C9orf153: variants seen among roughly 807,000 people sequenced by gnomAD.
C9orf153 encodes the protein uncharacterized protein C9orf153.
Under a neutral mutation model 9.0 loss-of-function variants are expected in C9orf153, and 10 were observed. That is an observed-to-expected ratio of 1.11 (90% CI 0.69 to 1.89). The LOEUF (loss-of-function observed/expected upper bound fraction) is 1.89, where lower values mean the gene tolerates loss of function less well. Ranked by LOEUF, C9orf153 falls within the 40% of genes most tolerant of loss-of-function variation. The pLI, the probability that C9orf153 is intolerant of heterozygous loss-of-function variation, is 0.00. For synonymous variants in C9orf153, 35 were observed against 37.3 expected (o/e 0.94, Z 0.23); for missense variants, 108 against 111.0 (o/e 0.97, Z 0.12).
chr9:86,232,582 G>A (rs1824495494), intron 1 of C9orf153, among the ~76,000 whole-genome samples: 1 of 151,896 alleles, frequency 6.6e-6, no homozygotes, highest in Non-Finnish European at 1.5e-5. Context: ...AAACTCTCGG[G>A]GATGGTATCC....
intron 1 of C9orf153, among the ~76,000 whole-genome samples, chr9:86,257,123 C>T (rs1280611352): frequency 1.3e-5 from 2 of 152,158 alleles, no homozygotes; most frequent in African/African-American, 2.4e-5. Context: ...CCGATTGGAG[C>T]ATATATTCTG....
At chr9:86,222,128 T>A (rs1279603922) in intron 3 of C9orf153, among the ~76,000 whole-genome samples, 1 of 151,994 alleles carries the variant, frequency 6.6e-6, no homozygotes, top group Non-Finnish European at 1.5e-5. Context: ...CCTCAGGTGA[T>A]CCACCCGCCT....
intron 3 of C9orf153, among the ~76,000 whole-genome samples, chr9:86,224,556 G>A (rs1824276442): frequency 6.6e-6 from 1 of 151,992 alleles, no homozygotes; most frequent in African/African-American, 2.4e-5. Flanking sequence ...CAAAGAAATG[G>A]TAAGTGCATG....
At chr9:86,227,178 G>T in intron 3 of C9orf153, 2 of 617,444 alleles carry the variant, frequency 3.2e-6, no homozygotes, top group Non-Finnish European at 4.5e-6. Flanking sequence ...ACAGGGTCTT[G>T]CTCTGTTGCC....
chr9:86,222,463 A>T (rs1193897309), intron 3 of C9orf153, among the ~76,000 whole-genome samples: 1 of 152,144 alleles, frequency 6.6e-6, no homozygotes, highest in African/African-American at 2.4e-5. Flanking sequence ...CATTTCTTCC[A>T]AGATGCTAAT....
rs545934510 is a variant in C9orf153 at position 86,245,563 on chromosome 9, C to T, written c.-27+13987G>A. ...GCATGATGTCCTCCGGGTTCATCCA[C>T]GTTATAGAGTAATACTCCATTGTGG... On this transcript the variant is annotated intron_variant, in intron 1 of 3. Transcript: ENST00000339137. 1.0e-3 allele frequency among the ~76,000 whole-genome samples: 159 copies of T among 152,236 alleles called. 1 individual carries two copies. Among genetic ancestry groups the T allele is most frequent in the Non-Finnish European group, 5.7e-4 (39 of 68,028 alleles).
chr9:86,228,068 AC>A (rs1423846863), intron 2 of C9orf153, 38 bp from the exon 3 acceptor site: 5 of 1,465,578 alleles, frequency 3.4e-6, no homozygotes, highest in Non-Finnish European at 3.7e-6. Context: ...CACGAGACTG[AC>A]AAAAATGTAA....
chr9:86,231,140 G>A (rs181969088), intron 1 of C9orf153, among the ~76,000 whole-genome samples: 2 of 152,258 alleles, frequency 1.3e-5, no homozygotes, highest in East Asian at 1.9e-4. Flanking sequence ...AGCCCCAGAC[G>A]AGCCTCCAGA....
rs1427065441 is a variant in C9orf153, at chr9:86,256,324, A to C, written c.-27+3226T>G. The stretch of plus-strand genomic sequence containing the variant: ...TCCATCATTATTTTAGGTTTCAATG[A>C]ATACCTTCGAGCCACTGATTCAATC... On this transcript the variant is annotated intron_variant, in intron 1 of 3. Transcript: ENST00000339137. Among the ~76,000 whole-genome samples, 4 of 152,210 alleles carry C rather than the reference A, an allele frequency of 2.6e-5. No homozygotes were observed. In the East Asian group the frequency reaches 7.7e-4, roughly 29 times the overall value.
chr9:86,232,547 T>C (rs1824494546), intron 1 of C9orf153, among the ~76,000 whole-genome samples: 4 of 152,210 alleles, frequency 2.6e-5, no homozygotes, highest in South Asian at 2.1e-4. Context: ...TTCCTTGTAC[T>C]GTGAAGAGCA....
At chr9:86,246,714 C>T (rs1031028398) in intron 1 of C9orf153, among the ~76,000 whole-genome samples, 4 of 152,106 alleles carry the variant, frequency 2.6e-5, no homozygotes, top group African/African-American at 9.7e-5. Flanking sequence ...ACTAAAAATG[C>T]ACTCACCAAT....
Position 86,228,092 on chromosome 9 carries a change from C to T in C9orf153, c.67-62G>A, listed in dbSNP as rs1824383308. 5.8e-6 allele frequency: 7 copies of T among 1,198,014 alleles called. No homozygotes were observed. In the South Asian group the frequency reaches 1.1e-4, roughly 19 times the overall value. The allele number at this position is 1,198,014 out of a possible 1,614,324, so 74.2% of individuals were successfully genotyped here. A position where few individuals can be genotyped will look rare whatever the true frequency, so the allele number is the denominator to read the frequency against. ...GACAAAAATGTAATATTCTGGCAGA[C>T]CTACAAACCCTAGAAAAAACCATAG... On this transcript the variant is annotated intron_variant, in intron 2 of 3. Coordinates refer to ENST00000339137, the MANE Select transcript of C9orf153 (RefSeq NM_001276366.4).
intron 1 of C9orf153, among the ~76,000 whole-genome samples, chr9:86,238,083 G>A (rs1013573336): frequency 1.3e-5 from 2 of 151,958 alleles, no homozygotes; most frequent in Non-Finnish European, 2.9e-5. Flanking sequence ...AGACTTTGAC[G>A]AAAAACCAAA....
intron 1 of C9orf153, among the ~76,000 whole-genome samples, chr9:86,241,631 G>GTT (rs11418899): frequency 4.7e-5 from 7 of 148,534 alleles, no homozygotes; most frequent in African/African-American, 1.8e-4. Context: ...ACATTTCGTT[G>GTT]TTTTTTTTTT....
chr9:86,227,615 C>G (rs1320612354), intron 3 of C9orf153: 1 of 985,240 alleles, frequency 1.0e-6, no homozygotes, highest in Non-Finnish European at 1.2e-6. Context: ...ACTGGAAATG[C>G]CTAAGCTGCA....
chr9:86,233,885 C>T (rs1464796317), intron 1 of C9orf153, among the ~76,000 whole-genome samples: 3 of 152,208 alleles, frequency 2.0e-5, no homozygotes, highest in African/African-American at 7.2e-5. Flanking sequence ...GAGATCAAGA[C>T]CATCCTGGCC....
In C9orf153 at chr9:86,257,827, G is replaced by A. The variant is rs563120830; in HGVS notation, c.-27+1723C>T. Among the ~76,000 whole-genome samples, 8 of 152,302 alleles carry A rather than the reference G, an allele frequency of 5.3e-5. No homozygotes were observed. In the East Asian group the frequency reaches 7.7e-4, roughly 15 times the overall value. Reference sequence around the variant, plus strand: ...TGGCCAGGAACAGATCAGTTGAGTGGATTTATATACCAACACAATGGATGA... The same window carrying A: ...TGGCCAGGAACAGATCAGTTGAGTGAATTTATATACCAACACAATGGATGA... On this transcript the variant is annotated intron_variant, in intron 1 of 3. Transcript: ENST00000339137.
intron 1 of C9orf153, among the ~76,000 whole-genome samples, chr9:86,249,956 G>C (rs1046078618): frequency 2.0e-5 from 3 of 152,178 alleles, no homozygotes; most frequent in Admixed American, 6.5e-5. Context: ...GAAAACCATA[G>C]TGATTACCCT....
intron 1 of C9orf153, among the ~76,000 whole-genome samples, chr9:86,246,085 T>C (rs1824858239): frequency 6.6e-6 from 1 of 152,214 alleles, no homozygotes; most frequent in African/African-American, 2.4e-5. Flanking sequence ...AATTTACTCA[T>C]GTAACAAACA....
Sources: allele counts gnomAD v4.1 joint callset (sites outside exome capture counted in the v4.1 genomes callset), GRCh38; gene constraint gnomAD v4.1.1; transcripts MANE v1.5; gene names NCBI Gene and HGNC (gene_info 2026-07-23, HGNC 2026-07-21).